The following ARID5B variants were observed in gnomAD, a reference collection of about 807,000 sequenced individuals.
The protein encoded by ARID5B is AT-rich interaction domain 5B.
In ARID5B, 13 loss-of-function variants were observed where a neutral mutation model predicts 97.2. That is an observed-to-expected ratio of 0.13 (90% CI 0.09 to 0.21). The LOEUF (loss-of-function observed/expected upper bound fraction) is 0.21, where lower values mean the gene tolerates loss of function less well. Among genes scored for constraint, ARID5B ranks in the 10% least tolerant of loss-of-function variants. The pLI is 1.00. For missense variants in ARID5B, 1,210 were observed against 1,465.3 expected, an observed-to-expected ratio of 0.83 and a Z score of 2.84; for synonymous variants, 556 against 570.3, an observed-to-expected ratio of 0.97 and a Z score of 0.36.
At chr10:61,999,954 TG>T in intron 3 of ARID5B, 136 bp from the exon 4 acceptor site, 1 of 840,652 alleles carries the variant, frequency 1.2e-6, no homozygotes, top group Non-Finnish European at 1.9e-6. Flanking sequence ...GGGAGGATGC[TG>T]GCATCCCCCA....
chr10:62,077,634 A>G (rs1840155992), intron 8 of ARID5B, among the ~76,000 whole-genome samples: 1 of 152,166 alleles, frequency 6.6e-6, no homozygotes, highest in Non-Finnish European at 1.5e-5. Context: ...GAACCTAACT[A>G]TAGTATTTAA....
chr10:62,032,717 AAAAT>A (rs1564632338), intron 4 of ARID5B, among the ~76,000 whole-genome samples: 1 of 152,216 alleles, frequency 6.6e-6, no homozygotes, highest in East Asian at 1.9e-4. Flanking sequence ...TCCATCTCGG[AAAAT>A]AAATAAATAA....
At chr10:62,042,124 A>T (rs1839645637) in intron 4 of ARID5B, among the ~76,000 whole-genome samples, 1 of 152,226 alleles carries the variant, frequency 6.6e-6, no homozygotes, top group African/African-American at 2.4e-5. Flanking sequence ...AAAGACAATT[A>T]TCTTGTTAAT....
In ARID5B at chr10:62,093,205, T is replaced by A. The variant is rs1380596325; in HGVS notation, c.*175T>A. 1.3e-5 allele frequency: 13 copies of A among 975,436 alleles called. No homozygotes were observed. Among genetic ancestry groups the A allele is most frequent in the Non-Finnish European group, 1.9e-5 (13 of 686,566 alleles). The allele number at this position is 975,436 out of a possible 1,614,324, so 60.4% of individuals were successfully genotyped here. On this transcript the variant is annotated 3_prime_UTR_variant, in exon 10 of 10. Transcript: ENST00000279873. ...ACATGCCTGATTTTTGTGGGACAAC[T>A]CTAGCCCACAAACTGACTGGCTGGT...
At chr10:62,075,909 T>C (rs1319738415) in intron 8 of ARID5B, among the ~76,000 whole-genome samples, 1 of 146,664 alleles carries the variant, frequency 6.8e-6, no homozygotes, top group Non-Finnish European at 1.5e-5. Context: ...CTGTCTTTTT[T>C]ATTTACTGCT....
intron 2 of ARID5B, among the ~76,000 whole-genome samples, chr10:61,915,651 T>C (rs531626413): frequency 1.3e-5 from 2 of 152,290 alleles, no homozygotes; most frequent in South Asian, 4.1e-4. Flanking sequence ...TTAGAGCTAA[T>C]GTACATCATT....
intron 4 of ARID5B, among the ~76,000 whole-genome samples, chr10:62,020,753 G>A (rs574462442): frequency 3.9e-5 from 6 of 152,056 alleles, no homozygotes; most frequent in African/African-American, 1.2e-4. Flanking sequence ...CCAGAGAAGA[G>A]AATTAAGCAT....
chr10:62,096,335 A>G lies in ARID5B; in HGVS notation c.*3305A>G, dbSNP rs907387474. 4.3e-6 allele frequency: 1 copy of G among 233,538 alleles called. No individual in the cohort carries two copies. Among genetic ancestry groups the G allele is most frequent in the African/African-American group, 2.2e-5 (1 of 45,334 alleles). 14.5% of individuals were successfully genotyped at this position (233,538 alleles called of 1,614,324 possible). A position where few individuals can be genotyped will look rare whatever the true frequency, so the allele number is the denominator to read the frequency against. ...ATGTAGTGTGCCTTCAAAGAGAACC[A>G]TTTATTTCTCTTCACTTATCGTCCC... is the stretch of plus-strand genomic sequence containing the variant. On this transcript the variant is annotated 3_prime_UTR_variant, in exon 10 of 10. Transcript: ENST00000279873.
At chr10:62,023,401 A>G (rs985178999) in intron 4 of ARID5B, among the ~76,000 whole-genome samples, 9 of 152,214 alleles carry the variant, frequency 5.9e-5, no homozygotes, top group Non-Finnish European at 1.3e-4. Flanking sequence ...ATTTGCATGT[A>G]TGACACAGAA....
In ARID5B at chr10:62,029,334, G is replaced by C. The variant is rs74670270; in HGVS notation, c.734-21554G>C. Among the ~76,000 whole-genome samples the C allele has an allele frequency of 4.7e-3, 714 of 152,248 alleles. 8 individuals carry two copies. The highest frequency in any genetic ancestry group is 0.016 in the African/African-American group (683 of 41,542). ...GAAGTTGAGAATTATATCTATCTAT[G>C]TAGTATATTTTGTTCTCTGATAACA... is the stretch of plus-strand genomic sequence containing the variant. On this transcript the variant is annotated intron_variant, in intron 4 of 9. Coordinates refer to ENST00000279873, the MANE Select transcript of ARID5B (RefSeq NM_032199.3).
At position 62,091,106 on chromosome 10, in the gene ARID5B, C is replaced by T; in HGVS notation, c.1643C>T (p.Ala548Val). The change falls in exon 10 of 10, where the codon GCC becomes GTC. Residue 548 changes from alanine to valine, a missense_variant. By Grantham distance (64) the Ala-to-Val change is moderately conservative (BLOSUM62 0). This residue lies in a region of ARID5B where 800 missense variants were observed against 839.1 expected (regional missense o/e 0.95). Transcript: ENST00000279873. ...CCTCCACTCCCAAGTGCTCCTCTGG[C>T]CCCAGAAAAAGATTCAGCCTTGGTC... ...PTPPLPSAPL[A>V]PEKDSALVPG... 1 of 1,614,068 alleles carries T rather than the reference C, an allele frequency of 6.2e-7. No individual in the cohort carries two copies. Among genetic ancestry groups the T allele is most frequent in the Non-Finnish European group, 8.5e-7 (1 of 1,180,002 alleles).
chr10:61,997,389 A>G (rs1157739116), intron 3 of ARID5B, among the ~76,000 whole-genome samples: 2 of 149,164 alleles, frequency 1.3e-5, no homozygotes, highest in Admixed American at 6.7e-5. Flanking sequence ...ATGGTTAGAG[A>G]AAAAAAAAAG....
At chr10:62,055,580 TGATGACAACATAAAGTTTCAC>T in intron 5 of ARID5B, among the ~76,000 whole-genome samples, 1 of 152,246 alleles carries the variant, frequency 6.6e-6, no homozygotes. Context: ...CAGTGAAAAA[TGATGACAACATAAAGTTTCAC>T]GGGATGTTCG....
At chr10:62,052,644 G>T (rs2132933577) in intron 5 of ARID5B, among the ~76,000 whole-genome samples, 1 of 152,312 alleles carries the variant, frequency 6.6e-6, no homozygotes, top group East Asian at 1.9e-4. Flanking sequence ...AGGCAGCTCA[G>T]AACTCACTGT....
intron 4 of ARID5B, among the ~76,000 whole-genome samples, chr10:62,029,058 C>A (rs1361046179): frequency 1.3e-5 from 2 of 152,036 alleles, no homozygotes; most frequent in Non-Finnish European, 2.9e-5. Context: ...CAAGGGAGAT[C>A]TGCTCGCCTC....
chr10:61,941,741 A>G (rs1844414656), intron 3 of ARID5B, among the ~76,000 whole-genome samples: 1 of 152,208 alleles, frequency 6.6e-6, no homozygotes, highest in African/African-American at 2.4e-5. Flanking sequence ...GTCAGACAGT[A>G]ACATTTTAGA....
At chr10:61,979,885 A>T (rs1296681545) in intron 3 of ARID5B, among the ~76,000 whole-genome samples, 1 of 152,214 alleles carries the variant, frequency 6.6e-6, no homozygotes, top group Non-Finnish European at 1.5e-5. Flanking sequence ...TGAGGTCAGG[A>T]GTTCGAGATC....
In ARID5B at chr10:62,001,258, G is replaced by A. The variant is rs184952846; in HGVS notation, c.733+937G>A. Among the ~76,000 whole-genome samples, 4 of 152,230 alleles carry A rather than the reference G, an allele frequency of 2.6e-5. No homozygotes were observed. In the East Asian group the frequency reaches 7.7e-4, roughly 29 times the overall value. On this transcript the variant is annotated intron_variant, in intron 4 of 9. Coordinates refer to ENST00000279873, the MANE Select transcript of ARID5B (RefSeq NM_032199.3). ...GTTCCTGGGAATTTCTATACTTAGA[G>A]GCGTGAACCCCTACCACTCTCACCC...
chr10:62,085,558 T>C (rs1190031596), intron 8 of ARID5B, 144 bp from the exon 9 acceptor site: 1 of 721,026 alleles, frequency 1.4e-6, no homozygotes, highest in East Asian at 2.5e-5. Flanking sequence ...AAGTGTAGAG[T>C]AAGTTTATAG....
Sources: allele counts gnomAD v4.1 joint callset (sites outside exome capture counted in the v4.1 genomes callset), GRCh38; gene constraint gnomAD v4.1.1; regional missense constraint gnomAD v4.1.1; transcripts MANE v1.5; gene names NCBI Gene and HGNC (gene_info 2026-07-23, HGNC 2026-07-21).